Variants in MRC1 observed in about 807,000 individuals in gnomAD.
MRC1 encodes the protein mannose receptor C-type 1.
A neutral mutation model predicts 102.9 loss-of-function variants in MRC1; 62 were observed. The observed-to-expected ratio is 0.60, with a 90% CI of 0.49 to 0.74. MRC1 has a LOEUF of 0.74. MRC1 is among the 30% of genes least tolerant of loss of function. The probability of loss-of-function intolerance (pLI) is 0.00; values close to 1 mark genes in which losing one functional copy is unlikely to be tolerated. For missense variants in MRC1, 1,237 were observed against 862.8 expected (o/e 1.43, Z -5.43); for synonymous variants, 457 against 298.4 (o/e 1.53, Z -5.48).
At chr10:17,829,481 G>C (rs1031679612) in intron 3 of MRC1, among the ~76,000 whole-genome samples, 11 of 151,326 alleles carry the variant, frequency 7.3e-5, no homozygotes, top group Middle Eastern at 3.2e-3. Flanking sequence ...CTGCTGCCTC[G>C]GTCTTAACTG....
At position 17,844,370 on chromosome 10, in the gene MRC1, C is replaced by A. The variant is rs995524348; in HGVS notation, c.917-919C>A. 1.7e-3 allele frequency among the ~76,000 whole-genome samples: 256 copies of A among 152,164 alleles called. 1 individual carries two copies. Among genetic ancestry groups the A allele is most frequent in the Non-Finnish European group, 2.6e-3 (176 of 68,000 alleles). ...AGTAGCTGGGATTACAGGTGCCCGCCAGCTCCCCGGCCGATTTTTTTGTAT... is the reference window on the plus strand; with the variant it reads ...AGTAGCTGGGATTACAGGTGCCCGCAAGCTCCCCGGCCGATTTTTTTGTAT... On this transcript the variant is annotated intron_variant, in intron 5 of 29. Transcript: ENST00000569591.
At chr10:17,814,945 CG>C (rs1424007848) in intron 1 of MRC1, among the ~76,000 whole-genome samples, 1 of 151,954 alleles carries the variant, frequency 6.6e-6, no homozygotes, top group Non-Finnish European at 1.5e-5. Context: ...GGATTACAGG[CG>C]GGAGCCACCG....
At chr10:17,850,958 T>A (rs1175755675) in intron 7 of MRC1, among the ~76,000 whole-genome samples, 1 of 152,220 alleles carries the variant, frequency 6.6e-6, no homozygotes, top group Non-Finnish European at 1.5e-5. Flanking sequence ...GAACAATTTC[T>A]TGGTTATTCT....
rs1833215228 is a variant in MRC1 at position 17,863,506 on chromosome 10, A to T, written c.1635-28A>T. 4 of 780,370 alleles carry T rather than the reference A, an allele frequency of 5.1e-6. No individual in the cohort carries two copies. The South Asian group carries it at 5.4e-5, about 10-fold the overall frequency. 48.3% of individuals were successfully genotyped at this position (780,370 alleles called of 1,614,324 possible). ...ATTGGCATAAATGTTTCAAAAACTTAATTGAATGTTAATTCTTCTTTTTAA... is the reference window on the plus strand; with the variant it reads ...ATTGGCATAAATGTTTCAAAAACTTTATTGAATGTTAATTCTTCTTTTTAA... On this transcript the variant is annotated intron_variant, in intron 10 of 29. Transcript: ENST00000569591.
Position 17,849,723 on chromosome 10 carries a change from C to G in MRC1, c.1208C>G (p.Thr403Ser). The change falls in exon 7 of 30, where the codon ACC becomes AGC. Residue 403 changes from threonine to serine, a missense_variant. Coordinates refer to ENST00000569591, the MANE Select transcript of MRC1 (RefSeq NM_002438.4). ...GGCGGTGACCTCACAAGTATCCACA[C>G]CATCGAGGAATTGGACTTTATTATC... is the stretch of plus-strand genomic sequence containing the variant. Reference protein sequence around the residue: ...KEGGDLTSIHTIEELDFIISQ... With the variant: ...KEGGDLTSIHSIEELDFIISQ... 1.3e-6 allele frequency: 1 copy of G among 780,954 alleles called. No individual in the cohort carries two copies. The highest frequency in any genetic ancestry group is 2.4e-6 in the Non-Finnish European group (1 of 418,118). The allele number at this position is 780,954 out of a possible 1,614,324, so 48.4% of individuals were successfully genotyped here.
chr10:17,877,426 C>T (rs1833452091), intron 17 of MRC1, among the ~76,000 whole-genome samples: 1 of 149,988 alleles, frequency 6.7e-6, no homozygotes, highest in Admixed American at 6.7e-5. Flanking sequence ...TACAGGTATG[C>T]ACCACCATCT....
chr10:17,809,609 C>G (rs1838191894), intron 1 of MRC1, 83 bp downstream of exon 1: 3 of 838,600 alleles, frequency 3.6e-6, no homozygotes, highest in Non-Finnish European at 6.4e-6. Context: ...TGAATGGGTT[C>G]CTTTCAACAT....
chr10:17,833,258 C>A (rs1158930681), intron 3 of MRC1, among the ~76,000 whole-genome samples: 1 of 152,020 alleles, frequency 6.6e-6, no homozygotes, highest in Non-Finnish European at 1.5e-5. Flanking sequence ...TAGTAGCTCA[C>A]CTTTGTAATC....
In MRC1 at chr10:17,877,851, C is replaced by G; in HGVS notation, c.2551-49C>G. On this transcript the variant is annotated intron_variant, in intron 17 of 29. Coordinates refer to ENST00000569591, the MANE Select transcript of MRC1 (RefSeq NM_002438.4). The stretch of plus-strand genomic sequence containing the variant: ...CATGTATGTTTTGTTTAAGAACTTC[C>G]TGATTGTGTGATTCTAAATTAAACT... 4 of 870,928 alleles carry G rather than the reference C, an allele frequency of 4.6e-6. No homozygotes were observed. The South Asian group carries it at 5.2e-5, about 11-fold the overall frequency. 54.0% of individuals were successfully genotyped at this position (870,928 alleles called of 1,614,324 possible). A position where few individuals can be genotyped will look rare whatever the true frequency, so the allele number is the denominator to read the frequency against.
At chr10:17,880,111 T>G (rs782600106) in intron 19 of MRC1, among the ~76,000 whole-genome samples, 65,092 of 152,086 alleles carry the variant, frequency 0.43, 14,377 homozygotes, top group Middle Eastern at 0.52. Flanking sequence ...TCTATCTCCT[T>G]TATTTCTCTC....
At chr10:17,893,273 A>G (rs1407052368) in intron 22 of MRC1, among the ~76,000 whole-genome samples, 1 of 151,314 alleles carries the variant, frequency 6.6e-6, no homozygotes, top group Non-Finnish European at 1.5e-5. Flanking sequence ...CTCCCACCTC[A>G]GTCTCCTGAG....
intron 22 of MRC1, among the ~76,000 whole-genome samples, chr10:17,890,673 T>G (rs2130704436): frequency 6.6e-6 from 1 of 152,370 alleles, no homozygotes; most frequent in African/African-American, 2.4e-5. Flanking sequence ...ATGCTTGCTC[T>G]TCGCTTCAAA....
intron 18 of MRC1, among the ~76,000 whole-genome samples, chr10:17,878,784 T>A (rs1156994723): frequency 6.6e-6 from 1 of 152,088 alleles, no homozygotes; most frequent in Non-Finnish European, 1.5e-5. Context: ...CGCTTCAGCC[T>A]CCCAAGTAGC....
intron 18 of MRC1, 90 bp from the exon 19 acceptor site, chr10:17,879,631 G>A (rs2130688937): frequency 2.6e-6 from 2 of 780,280 alleles, no homozygotes; most frequent in South Asian, 2.7e-5. Flanking sequence ...CCATGGTGCT[G>A]GGATTACAGG....
intron 5 of MRC1, among the ~76,000 whole-genome samples, chr10:17,843,499 A>G (rs999443191): frequency 1.3e-5 from 2 of 151,984 alleles, no homozygotes; most frequent in Non-Finnish European, 2.9e-5. Flanking sequence ...AACCCCGTCT[A>G]TACTAAAAAT....
intron 1 of MRC1, among the ~76,000 whole-genome samples, chr10:17,817,375 C>G (rs1243976181): frequency 6.6e-6 from 1 of 151,214 alleles, no homozygotes; most frequent in African/African-American, 2.4e-5. Flanking sequence ...AGTCTTTAAT[C>G]ATTTTTAACC....
chr10:17,898,290 A>AC, intron 24 of MRC1, 24 bp downstream of exon 24: 1 of 780,786 alleles, frequency 1.3e-6, no homozygotes, highest in Admixed American at 1.7e-5. Flanking sequence ...AATATGTGCA[A>AC]CTTGACATGA....
chr10:17,866,813 A>C (rs1005877202), intron 12 of MRC1, 52 bp downstream of exon 12: 2 of 780,604 alleles, frequency 2.6e-6, no homozygotes, highest in Admixed American at 1.7e-5. Context: ...GCTTCAGCCT[A>C]AAGAATCATC....
intron 27 of MRC1, 59 bp from the exon 28 acceptor site, chr10:17,907,475 C>A: frequency 1.3e-6 from 1 of 778,450 alleles, no homozygotes; most frequent in East Asian, 2.4e-5. Flanking sequence ...ATTGGCTGAA[C>A]TTATTTTAAG....
Sources: gnomAD v4.1 joint callset for allele counts (sites outside exome capture counted in the v4.1 genomes callset) on GRCh38, gnomAD v4.1.1 for gene constraint, MANE v1.5 for transcripts, NCBI Gene and HGNC (gene_info 2026-07-23, HGNC 2026-07-21) for gene names.